The following CPSF7 variants were observed in gnomAD, a reference collection of about 807,000 sequenced individuals.
The protein encoded by CPSF7 is cleavage and polyadenylation specific factor 7.
A neutral mutation model predicts 44.3 loss-of-function variants in CPSF7; 1 was observed. That is an observed-to-expected ratio of 0.02 (90% CI 0.01 to 0.11). The LOEUF is 0.11. Ranked by LOEUF, CPSF7 falls within the 10% of genes least tolerant of loss-of-function variation. The pLI is 1.00. For missense variants in CPSF7, 443 were observed against 607.2 expected, an observed-to-expected ratio of 0.73 and a Z score of 2.84; for synonymous variants, 202 against 222.0, an observed-to-expected ratio of 0.91 and a Z score of 0.80.
chr11:61,409,071 T>A (rs928340958), intron 9 of CPSF7, among the ~76,000 whole-genome samples: 1 of 149,458 alleles, frequency 6.7e-6, no homozygotes, highest in African/African-American at 2.5e-5. Flanking sequence ...GCCCAGGAGG[T>A]TGATGTTACA....
At chr11:61,426,203 C>T (rs544582591) in intron 2 of CPSF7, among the ~76,000 whole-genome samples, 5 of 152,334 alleles carry the variant, frequency 3.3e-5, no homozygotes, top group African/African-American at 1.2e-4. Flanking sequence ...ACATGAAGGG[C>T]TTCCTGTGCA....
Position 61,429,254 on chromosome 11 carries a change from G to C in CPSF7, c.-19C>G. The C allele has an allele frequency of 6.2e-7, 1 of 1,613,372 alleles. No individual in the cohort carries two copies. Among genetic ancestry groups the C allele is most frequent in the African/African-American group, 1.3e-5 (1 of 75,046 alleles). ...CTGACATGGCTCCGGAAGGAAGATCGCGAGTCCGGAGGATGGACAAAGTAA... is the reference window on the plus strand; with the variant it reads ...CTGACATGGCTCCGGAAGGAAGATCCCGAGTCCGGAGGATGGACAAAGTAA... On this transcript the variant is annotated 5_prime_UTR_variant, in exon 2 of 10. Transcript: ENST00000439958.
chr11:61,428,507 G>A (rs979795826), intron 2 of CPSF7, among the ~76,000 whole-genome samples: 14 of 152,140 alleles, frequency 9.2e-5, no homozygotes, highest in Admixed American at 3.9e-4. Context: ...TCTGTATAAT[G>A]TTCCCTGGTA....
rs771392757 is a variant in CPSF7, at chr11:61,415,788, T to C, written c.939-4A>G. ...GGGTGGAGGGCCCGAATCTCGGCTG[T>C]ACAGAGAAAATACCATCCTTGATTG... On this transcript the variant is annotated splice_region_variant and splice_polypyrimidine_tract_variant and intron_variant, in intron 6 of 9. Coordinates refer to ENST00000439958, the MANE Select transcript of CPSF7 (RefSeq NM_001142565.3). The C allele has an allele frequency of 1.3e-6, 2 of 1,578,606 alleles. No individual in the cohort carries two copies. The highest frequency in any genetic ancestry group is 1.7e-6 in the Non-Finnish European group (2 of 1,147,770).
chr11:61,421,333 C>T lies in CPSF7; in HGVS notation c.273+57G>A, dbSNP rs774681767. 7 of 1,420,574 alleles carry T rather than the reference C, an allele frequency of 4.9e-6. No individual in the cohort carries two copies. The African/African-American group carries it at 9.9e-5, about 20-fold the overall frequency. The allele number at this position is 1,420,574 out of a possible 1,614,324, so 88.0% of individuals were successfully genotyped here. A position where few individuals can be genotyped will look rare whatever the true frequency, so the allele number is the denominator to read the frequency against. On this transcript the variant is annotated intron_variant, in intron 3 of 9. Transcript: ENST00000439958. ...ACAGTAGTTTCTGAAAATGCCATCA[C>T]CTCCCAGTGCTCTCCCTCCAGCCCA...
At chr11:61,405,199 C>T (rs1859196703) in intron 9 of CPSF7, among the ~76,000 whole-genome samples, 1 of 152,016 alleles carries the variant, frequency 6.6e-6, no homozygotes, top group Admixed American at 6.6e-5. Context: ...TCCATTAATC[C>T]CCAAACACCC....
chr11:61,429,539 G>A (rs1178259622), intron 1 of CPSF7: 12 of 565,974 alleles, frequency 2.1e-5, no homozygotes, highest in Non-Finnish European at 3.3e-5. Flanking sequence ...CCTATGGCGC[G>A]ACGGAAAAGT....
In CPSF7 at chr11:61,411,019, C is replaced by A; in HGVS notation, c.1313G>T (p.Arg438Leu). The A allele has an allele frequency of 6.2e-7, 1 of 1,613,696 alleles. No individual in the cohort carries two copies. Among genetic ancestry groups the A allele is most frequent in the Non-Finnish European group, 8.5e-7 (1 of 1,179,920 alleles). Residue 438 changes from arginine (R) to leucine (L), a missense_variant, in exon 9 of 10, where the codon CGG (arginine) becomes CTG (leucine). Physicochemically the swap from Arg to Leu is moderately radical, Grantham distance 102. Coordinates refer to ENST00000439958, the MANE Select transcript of CPSF7 (RefSeq NM_001142565.3). ...RHRDLLHNED[R>L]HDDYFQERNR... ...CCTTTCTTGGAAATAATCATCATGC[C>A]GATCTTCATTATGAAGCAGATCCCG...
chr11:61,409,262 A>G (rs1565099566), intron 9 of CPSF7, among the ~76,000 whole-genome samples: 2 of 152,140 alleles, frequency 1.3e-5, no homozygotes, highest in African/African-American at 4.8e-5. Context: ...TCACGAGGTC[A>G]GGAGTTCAAG....
intron 2 of CPSF7, chr11:61,428,824 G>C (rs545076464): frequency 1.9e-5 from 3 of 160,878 alleles, no homozygotes; most frequent in African/African-American, 7.2e-5. Flanking sequence ...AAAGGAACCG[G>C]TATCAACACT....
intron 4 of CPSF7, 56 bp downstream of exon 4, chr11:61,420,414 G>T: frequency 1.4e-6 from 2 of 1,458,444 alleles, no homozygotes; most frequent in Non-Finnish European, 1.9e-6. Context: ...ATATAGTACA[G>T]ATCTTTTATC....
chr11:61,420,918 G>T, intron 3 of CPSF7: 3 of 517,756 alleles, frequency 5.8e-6, no homozygotes, highest in South Asian at 4.8e-5. Flanking sequence ...TTCCCCCACA[G>T]TAAATATACT....
chr11:61,406,020 A>G (rs1369838140), intron 9 of CPSF7: 1 of 152,242 alleles, frequency 6.6e-6, no homozygotes, highest in Non-Finnish European at 1.5e-5. Flanking sequence ...TGACGTGAGA[A>G]TGACTATATT....
chr11:61,419,023 CT>C (rs1860605420), intron 5 of CPSF7, among the ~76,000 whole-genome samples: 1 of 151,644 alleles, frequency 6.6e-6, no homozygotes, highest in Non-Finnish European at 1.5e-5. Flanking sequence ...CAGCCCCTAA[CT>C]TTTTTATTTT....
chr11:61,424,066 C>G (rs1449059957), intron 2 of CPSF7, among the ~76,000 whole-genome samples: 2 of 152,144 alleles, frequency 1.3e-5, no homozygotes, highest in Non-Finnish European at 2.9e-5. Flanking sequence ...TAGGGGGCAA[C>G]TTAACAACAA....
rs1859882243 is a variant in CPSF7, at chr11:61,411,883, T to C, written c.1112A>G (p.Gln371Arg). The C allele has an allele frequency of 6.2e-7, 1 of 1,614,214 alleles. No homozygotes were observed. The highest frequency in any genetic ancestry group is 8.5e-7 in the Non-Finnish European group (1 of 1,180,020). The change falls in exon 8 of 10, where the codon CAG (glutamine) becomes CGG (arginine). Residue 371 changes from glutamine to arginine, a missense_variant. Gln to Arg is a conservative substitution (Grantham distance 43). Transcript: ENST00000439958. Reference sequence around the variant, plus strand: ...ACGCTCATCATTGGCAACCCGGGACTGTTTGATAACCGCAATGGCTGTGAG... The same window carrying C: ...ACGCTCATCATTGGCAACCCGGGACCGTTTGATAACCGCAATGGCTGTGAG... Reference protein sequence around the residue: ...TLLTAIAVIKQSRVANDERCR... With the variant: ...TLLTAIAVIKRSRVANDERCR...
intron 9 of CPSF7, among the ~76,000 whole-genome samples, chr11:61,409,616 T>C: frequency 6.6e-6 from 1 of 152,012 alleles, no homozygotes; most frequent in Non-Finnish European, 1.5e-5. Flanking sequence ...ATCAGCTTTC[T>C]CCTCTCTGAC....
chr11:61,421,705 A>AC, intron 2 of CPSF7, 97 bp from the exon 3 acceptor site: 1 of 860,168 alleles, frequency 1.2e-6, no homozygotes, highest in Non-Finnish European at 1.8e-6. Flanking sequence ...ATACTTGGTA[A>AC]AACATGTACA....
In CPSF7 at chr11:61,421,341, T is replaced by G. The variant is rs759739362; in HGVS notation, c.273+49A>C. 20 of 1,479,774 alleles carry G rather than the reference T, an allele frequency of 1.4e-5. No homozygotes were observed. In the East Asian group the frequency reaches 4.6e-4, roughly 34 times the overall value. 91.7% of individuals were successfully genotyped at this position (1,479,774 alleles called of 1,614,324 possible). ...TTCTGAAAATGCCATCACCTCCCAGTGCTCTCCCTCCAGCCCACCCCTAAG... is the reference window on the plus strand; with the variant it reads ...TTCTGAAAATGCCATCACCTCCCAGGGCTCTCCCTCCAGCCCACCCCTAAG... On this transcript the variant is annotated intron_variant, in intron 3 of 9. Transcript: ENST00000439958.
Sources: allele counts gnomAD v4.1 joint callset (sites outside exome capture counted in the v4.1 genomes callset), GRCh38; gene constraint gnomAD v4.1.1; transcripts MANE v1.5; gene names NCBI Gene and HGNC (gene_info 2026-07-23, HGNC 2026-07-21).